FHIT: variants seen among roughly 807,000 people sequenced by gnomAD.
The protein encoded by FHIT is fragile histidine triad diadenosine triphosphatase.
In FHIT, 19 loss-of-function variants were observed where a neutral mutation model predicts 17.9. The observed-to-expected ratio is 1.06, with a 90% CI of 0.74 to 1.56. FHIT has a LOEUF of 1.56. Among genes scored for constraint, FHIT ranks in the 40% most tolerant of loss-of-function variants. The pLI, the probability that FHIT is intolerant of heterozygous loss-of-function variation, is 0.00. For synonymous variants in FHIT, 81 were observed against 69.7 expected (o/e 1.16, Z -0.81); for missense variants, 248 against 189.2 (o/e 1.31, Z -1.82).
At chr3:60,823,729 T>C (rs1553740053) in intron 3 of FHIT, among the ~76,000 whole-genome samples, 1 of 152,206 alleles carries the variant, frequency 6.6e-6, no homozygotes, top group Admixed American at 6.5e-5. Context: ...GGTACTTAGT[T>C]ACTGCCACCC....
At chr3:60,125,767 T>G (rs772195515) in intron 5 of FHIT, among the ~76,000 whole-genome samples, 1 of 152,072 alleles carries the variant, frequency 6.6e-6, no homozygotes, top group Non-Finnish European at 1.5e-5. Flanking sequence ...TCGGGAGGAC[T>G]GCATTTGGCT....
intron 3 of FHIT, among the ~76,000 whole-genome samples, chr3:60,938,520 G>C (rs9808931): frequency 0.26 from 39,772 of 152,116 alleles, 5,324 homozygotes; most frequent in Middle Eastern, 0.32. Flanking sequence ...ACAGATGTCA[G>C]AAAGACCAAT....
chr3:60,688,036 T>G (rs192042316), intron 4 of FHIT, among the ~76,000 whole-genome samples: 1 of 152,342 alleles, frequency 6.6e-6, no homozygotes, highest in Admixed American at 6.5e-5. Flanking sequence ...TTTTTTAATC[T>G]AATGAGTTAC....
chr3:60,459,782 T>G (rs2032341917), intron 5 of FHIT, among the ~76,000 whole-genome samples: 1 of 152,220 alleles, frequency 6.6e-6, no homozygotes, highest in Non-Finnish European at 1.5e-5. Flanking sequence ...CACTCTCAGT[T>G]CATTAACAGC....
At chr3:60,957,744 G>C (rs1553779422) in intron 3 of FHIT, among the ~76,000 whole-genome samples, 2 of 152,174 alleles carry the variant, frequency 1.3e-5, no homozygotes, top group African/African-American at 4.8e-5. Flanking sequence ...CCCTGATCTT[G>C]TATAAGGCAA....
intron 3 of FHIT, among the ~76,000 whole-genome samples, chr3:61,006,784 C>T (rs2031480832): frequency 6.6e-6 from 1 of 152,004 alleles, no homozygotes; most frequent in Admixed American, 6.6e-5. Flanking sequence ...AGCATCTTTA[C>T]TCCATTCTTC....
At chr3:60,885,714 A>G (rs1705192272) in intron 3 of FHIT, among the ~76,000 whole-genome samples, 1 of 152,166 alleles carries the variant, frequency 6.6e-6, no homozygotes, top group Non-Finnish European at 1.5e-5. Context: ...TGAGCTTATT[A>G]TGGCAACAAG....
intron 5 of FHIT, among the ~76,000 whole-genome samples, chr3:60,016,132 T>C (rs1700336113): frequency 6.6e-6 from 1 of 152,316 alleles, no homozygotes; most frequent in African/African-American, 2.4e-5. Context: ...TGGGATTATC[T>C]CCTCTGTCAA....
intron 5 of FHIT, among the ~76,000 whole-genome samples, chr3:60,180,631 T>C (rs1437758785): frequency 6.6e-6 from 1 of 152,234 alleles, no homozygotes; most frequent in Non-Finnish European, 1.5e-5. Context: ...GTACATTTTA[T>C]ATTTTAATTC....
chr3:60,109,795 GTTC>G (rs1349630555), intron 5 of FHIT, among the ~76,000 whole-genome samples: 2 of 152,142 alleles, frequency 1.3e-5, no homozygotes, highest in Non-Finnish European at 1.5e-5. Flanking sequence ...TGCAGGTGAA[GTTC>G]TTCTTTACAG....
intron 8 of FHIT, among the ~76,000 whole-genome samples, chr3:59,904,810 C>T (rs1364736807): frequency 6.6e-6 from 1 of 152,184 alleles, no homozygotes; most frequent in Non-Finnish European, 1.5e-5. Context: ...TGAGAAAGTT[C>T]CCCTGTGTGG....
chr3:60,793,314 T>C (rs75214704), intron 4 of FHIT, among the ~76,000 whole-genome samples: 1,533 of 134,376 alleles, frequency 0.011, 30 homozygotes, highest in African/African-American at 0.043. Context: ...TTTTCTTTTT[T>C]TTTTTGAGAC....
At chr3:60,968,890 T>C (rs1190853287) in intron 3 of FHIT, among the ~76,000 whole-genome samples, 1 of 152,220 alleles carries the variant, frequency 6.6e-6, no homozygotes, top group Non-Finnish European at 1.5e-5. Flanking sequence ...GATTTTCAAA[T>C]AATCAGCTTG....
At chr3:61,148,690 A>G (rs78020426) in intron 2 of FHIT, among the ~76,000 whole-genome samples, 4,706 of 152,272 alleles carry the variant, frequency 0.031, 331 homozygotes, top group East Asian at 0.28. Context: ...TTTCATGAGC[A>G]TATGCAATAA....
intron 5 of FHIT, among the ~76,000 whole-genome samples, chr3:60,227,926 A>G (rs931321703): frequency 6.6e-6 from 1 of 152,160 alleles, no homozygotes; most frequent in Admixed American, 6.5e-5. Flanking sequence ...ACCATTTTAA[A>G]AAGCAATTAC....
intron 8 of FHIT, among the ~76,000 whole-genome samples, chr3:59,907,405 C>T (rs1248157320): frequency 3.3e-5 from 5 of 152,232 alleles, no homozygotes; most frequent in Non-Finnish European, 7.3e-5. Flanking sequence ...GTCTCCTTCA[C>T]TCACCAGCTT....
At position 60,299,106 on chromosome 3, in the gene FHIT, G is replaced by T. The variant is rs560946905; in HGVS notation, c.103+237754C>A. Among the ~76,000 whole-genome samples, 5 of 152,212 alleles carry T rather than the reference G, an allele frequency of 3.3e-5. No homozygotes were observed. In the South Asian group the frequency reaches 1.0e-3, roughly 32 times the overall value. On this transcript the variant is annotated intron_variant, in intron 5 of 9. Transcript: ENST00000492590. ...TGAAACCTCAACAGCACCAAATTGGGCTGCTGATCCATTTGTGTAGAGTCA... is the reference window on the plus strand; with the variant it reads ...TGAAACCTCAACAGCACCAAATTGGTCTGCTGATCCATTTGTGTAGAGTCA...
intron 7 of FHIT, among the ~76,000 whole-genome samples, chr3:60,010,587 C>G (rs1277480846): frequency 6.6e-6 from 1 of 152,210 alleles, no homozygotes; most frequent in Non-Finnish European, 1.5e-5. Flanking sequence ...ACATCCCAGC[C>G]TGACTTGCTT....
At position 60,409,284 on chromosome 3, in the gene FHIT, C is replaced by T. The variant is rs975614112; in HGVS notation, c.103+127576G>A. On this transcript the variant is annotated intron_variant, in intron 5 of 9. Transcript: ENST00000492590. ...CTGTTAACCCAAGCACTACTGAAAA[C>T]ATAAATCCTGGAGTAATCATAACCC... 2.6e-5 allele frequency among the ~76,000 whole-genome samples: 4 copies of T among 152,084 alleles called. No homozygotes were observed. The East Asian group carries it at 5.8e-4, about 22-fold the overall frequency.
Sources: gnomAD v4.1 joint callset for allele counts (sites outside exome capture counted in the v4.1 genomes callset) on GRCh38, gnomAD v4.1.1 for gene constraint, MANE v1.5 for transcripts, NCBI Gene and HGNC (gene_info 2026-07-23, HGNC 2026-07-21) for gene names.